Variants in HCN2 observed in about 807,000 individuals in gnomAD.
HCN2 encodes the protein potassium/sodium hyperpolarization-activated cyclic nucleotide-gated channel 2.
In HCN2, 20 loss-of-function variants were observed where a neutral mutation model predicts 52.3. That is an observed-to-expected ratio of 0.38 (90% confidence interval 0.27 to 0.56). HCN2 has a LOEUF of 0.56. HCN2 is among the 20% of genes least tolerant of loss of function. The pLI, the probability that HCN2 is intolerant of heterozygous loss-of-function variation, is 0.71. For missense variants in HCN2, 981 were observed against 1,207.7 expected (o/e 0.81, Z 2.78); for synonymous variants, 694 against 537.0 (o/e 1.29, Z -4.04).
Position 616,225 on chromosome 19 carries a change from C to T in HCN2, c.2421C>T (p.Ala807=), listed in dbSNP as rs959575093. The change falls in exon 8 of 8, where the codon GCC becomes GCT. Residue 807 remains alanine, a synonymous_variant. Transcript: ENST00000251287. ...CCGCCGCCCCCCTTGCTGGGCCCGC[C>T]CTGCCCGCGCGCCGCCTGAGCCGCG... ...GLPAAPLAGP[A]LPARRLSRAS... is the part of the protein sequence containing the mutation. 5.0e-6 allele frequency: 5 copies of T among 992,776 alleles called. No homozygotes were observed. Among genetic ancestry groups the T allele is most frequent in the Admixed American group, 6.2e-5 (1 of 16,080 alleles). 61.5% of individuals were successfully genotyped at this position (992,776 alleles called of 1,614,324 possible).
chr19:595,590 A>T (rs1182970172), intron 1 of HCN2, among the ~76,000 whole-genome samples: 2 of 152,024 alleles, frequency 1.3e-5, no homozygotes, highest in African/African-American at 4.8e-5. Context: ...TCCTCCAAGG[A>T]GCCCTCCCAC....
intron 1 of HCN2, among the ~76,000 whole-genome samples, chr19:598,331 G>C (rs1052980428): frequency 6.6e-6 from 1 of 150,746 alleles, no homozygotes; most frequent in African/African-American, 2.4e-5. Flanking sequence ...TTTTGAGACA[G>C]AGTCTCACTC....
chr19:601,560 C>T (rs879926597), intron 1 of HCN2, among the ~76,000 whole-genome samples: 16 of 152,086 alleles, frequency 1.1e-4, no homozygotes, highest in Admixed American at 3.3e-4. Context: ...GGTGTGAACA[C>T]GGTGGGGTGG....
In HCN2 at chr19:590,599, G is replaced by C. The variant is rs1334388099; in HGVS notation, c.632+22G>C. 1.1e-5 allele frequency: 15 copies of C among 1,381,240 alleles called. No homozygotes were observed. The Admixed American group carries it at 3.2e-4, about 29-fold the overall frequency. The allele number at this position is 1,381,240 out of a possible 1,614,324, so 85.6% of individuals were successfully genotyped here. A position where few individuals can be genotyped will look rare whatever the true frequency, so the allele number is the denominator to read the frequency against. ...TCAGGTACCGCCTCCGGGAGGGCCG[G>C]TCGGCGCGAGGGGGCCCGGGGAGCC... On this transcript the variant is annotated intron_variant, in intron 1 of 7. Transcript: ENST00000251287. This position sits in a 1 kb window ranked among gnomAD's most constrained non-coding sequence, Gnocchi z 7.2.
chr19:598,411 A>G (rs914776298), intron 1 of HCN2, among the ~76,000 whole-genome samples: 2 of 151,146 alleles, frequency 1.3e-5, no homozygotes, highest in Non-Finnish European at 2.9e-5. Context: ...GGCTCGAGCA[A>G]TCCTCCTACC....
chr19:601,987 G>C (rs1015093765), intron 1 of HCN2, among the ~76,000 whole-genome samples: 1 of 151,774 alleles, frequency 6.6e-6, no homozygotes, highest in Non-Finnish European at 1.5e-5. Context: ...CGGAACGTCC[G>C]AATGGTGCCA....
intron 7 of HCN2, among the ~76,000 whole-genome samples, chr19:615,291 C>T (rs567352173): frequency 3.3e-5 from 5 of 152,068 alleles, no homozygotes; most frequent in South Asian, 4.2e-4. Flanking sequence ...GGGTGGATCA[C>T]GAGGTCAGGA....
chr19:589,979 G>T lies in HCN2; in HGVS notation c.34G>T (p.Glu12Ter). 1 of 845,740 alleles carries T rather than the reference G, an allele frequency of 1.2e-6. No homozygotes were observed. Among genetic ancestry groups the T allele is most frequent in the Non-Finnish European group, 1.4e-6 (1 of 717,142 alleles). 52.4% of individuals were successfully genotyped at this position (845,740 alleles called of 1,614,324 possible). A position where few individuals can be genotyped will look rare whatever the true frequency, so the allele number is the denominator to read the frequency against. Residue 12 changes from glutamate (E) to a stop codon, truncating the protein, a stop_gained, in exon 1 of 8, where the codon GAG becomes TAG. Coordinates refer to ENST00000251287, the MANE Select transcript of HCN2 (RefSeq NM_001194.4). LOFTEE classifies it high-confidence loss of function. Reference protein sequence around the residue: ...DARGGGGRPGESPGATPAPGP... With the variant: ...DARGGGGRPG ...GCGCGGGGGCGGCGGGCGGCCCGGG[G>T]AGAGCCCGGGCGCGACCCCCGCGCC...
chr19:609,153 C>T (rs2144524013), intron 4 of HCN2, among the ~76,000 whole-genome samples: 1 of 152,324 alleles, frequency 6.6e-6, no homozygotes, highest in Non-Finnish European at 1.5e-5. Context: ...CACACCCAAA[C>T]ATAAGCTGGT....
chr19:590,592 A>C lies in HCN2; in HGVS notation c.632+15A>C. On this transcript the variant is annotated intron_variant, in intron 1 of 7. Coordinates refer to ENST00000251287, the MANE Select transcript of HCN2 (RefSeq NM_001194.4). This position sits in a 1 kb window ranked among gnomAD's most constrained non-coding sequence, Gnocchi z 7.2. ...AGCGACTTCAGGTACCGCCTCCGGG[A>C]GGGCCGGTCGGCGCGAGGGGGCCCG... 1 of 1,391,472 alleles carries C rather than the reference A, an allele frequency of 7.2e-7. No individual in the cohort carries two copies. Among genetic ancestry groups the C allele is most frequent in the Non-Finnish European group, 9.5e-7 (1 of 1,055,248 alleles). The allele number at this position is 1,391,472 out of a possible 1,614,324, so 86.2% of individuals were successfully genotyped here.
Position 616,599 on chromosome 19 carries a change from C to A in HCN2, c.*125C>A. ...GAAGCCATAGACGAGACGTAGGTAG[C>A]CGTAGTTGGACGGACGGGCAGGGCC... On this transcript the variant is annotated 3_prime_UTR_variant, in exon 8 of 8. Transcript: ENST00000251287. The A allele has an allele frequency of 1.8e-6, 1 of 543,222 alleles. No individual in the cohort carries two copies. Among genetic ancestry groups the A allele is most frequent in the Non-Finnish European group, 2.5e-6 (1 of 394,240 alleles). 33.7% of individuals were successfully genotyped at this position (543,222 alleles called of 1,614,324 possible).
chr19:603,202 C>T (rs1217045939), intron 1 of HCN2, among the ~76,000 whole-genome samples: 1 of 132,468 alleles, frequency 7.5e-6, no homozygotes, highest in Non-Finnish European at 1.6e-5. Flanking sequence ...AATGCACCAG[C>T]CTGAGCTGTG....
At chr19:595,611 C>A (rs1356264839) in intron 1 of HCN2, among the ~76,000 whole-genome samples, 1 of 152,214 alleles carries the variant, frequency 6.6e-6, no homozygotes, top group Non-Finnish European at 1.5e-5. Flanking sequence ...CTGCCTGGGG[C>A]TGACAGGCCC....
chr19:595,175 C>G (rs1354043399), intron 1 of HCN2, among the ~76,000 whole-genome samples: 1 of 150,230 alleles, frequency 6.7e-6, no homozygotes, highest in African/African-American at 2.5e-5. Context: ...GCACTCCGGC[C>G]CGGGAAACAG....
chr19:614,539 G>A (rs559282607), intron 7 of HCN2, among the ~76,000 whole-genome samples: 2 of 152,286 alleles, frequency 1.3e-5, no homozygotes, highest in African/African-American at 4.8e-5. Context: ...TGTGGAAACG[G>A]GGAGGAAGAT....
chr19:609,481 C>CCCGG (rs1168842982), intron 4 of HCN2, among the ~76,000 whole-genome samples: 1 of 152,230 alleles, frequency 6.6e-6, no homozygotes, highest in Non-Finnish European at 1.5e-5. Flanking sequence ...GTTCAGGGCA[C>CCCGG]CCGGCCTGGT....
At chr19:595,449 C>A (rs970262628) in intron 1 of HCN2, among the ~76,000 whole-genome samples, 1 of 152,170 alleles carries the variant, frequency 6.6e-6, no homozygotes, top group Admixed American at 6.5e-5. Flanking sequence ...CTCCAGCCCT[C>A]CCCAGTCATG....
chr19:611,940 G>C (rs2144529133), intron 5 of HCN2, among the ~76,000 whole-genome samples: 1 of 152,304 alleles, frequency 6.6e-6, no homozygotes, highest in East Asian at 1.9e-4. Context: ...GAGGTCAGGA[G>C]TTCGAGACCA....
intron 5 of HCN2, among the ~76,000 whole-genome samples, chr19:612,759 C>G (rs11882745): frequency 0.033 from 4,716 of 141,712 alleles, 173 homozygotes; most frequent in African/African-American, 0.089. Context: ...GAGTCAGGGT[C>G]TTGTTCTGCG....
Sources: allele counts gnomAD v4.1 joint callset (sites outside exome capture counted in the v4.1 genomes callset), GRCh38; gene constraint gnomAD v4.1.1; non-coding constraint Gnocchi (gnomAD v3.1); transcripts MANE v1.5; gene names NCBI Gene and HGNC (gene_info 2026-07-23, HGNC 2026-07-21).